The following VPS35L variants were observed in gnomAD, a reference collection of about 807,000 sequenced individuals.
VPS35L encodes VPS35 endosomal protein-sorting factor-like.
In VPS35L, 83 loss-of-function variants were observed where a neutral mutation model predicts 133.0. The observed-to-expected ratio is 0.62, with a 90% CI of 0.52 to 0.75. The LOEUF (loss-of-function observed/expected upper bound fraction) is 0.75, where lower values mean the gene tolerates loss of function less well. Ranked by LOEUF, VPS35L falls within the 30% of genes least tolerant of loss-of-function variation. The pLI is 0.00. For synonymous variants in VPS35L, 423 were observed against 449.9 expected (o/e 0.94, Z 0.76); for missense variants, 1,083 against 1,206.8 (o/e 0.90, Z 1.52).
chr16:19,651,516 T>G (rs1445006761), intron 25 of VPS35L, among the ~76,000 whole-genome samples: 1 of 152,118 alleles, frequency 6.6e-6, no homozygotes, highest in Non-Finnish European at 1.5e-5. Context: ...TGCTCAGAAT[T>G]TTAAGAAAGA....
chr16:19,618,084 C>CAAAAA (rs60900526), intron 14 of VPS35L: 2 of 56,564 alleles, frequency 3.5e-5, no homozygotes, highest in African/African-American at 6.0e-5. Context: ...CAGACTGTCT[C>CAAAAA]AAAAAAAAAA....
At chr16:19,655,708 C>G (rs1974276128) in intron 26 of VPS35L, among the ~76,000 whole-genome samples, 1 of 152,182 alleles carries the variant, frequency 6.6e-6, no homozygotes, top group South Asian at 2.1e-4. Context: ...GGCACGCATG[C>G]TTGTGCCCAC....
At chr16:19,662,002 A>G (rs1323051962) in intron 26 of VPS35L, among the ~76,000 whole-genome samples, 1 of 152,090 alleles carries the variant, frequency 6.6e-6, no homozygotes, top group Non-Finnish European at 1.5e-5. Flanking sequence ...AAGCCTGGGC[A>G]ACATAGTGAG....
intron 28 of VPS35L, among the ~76,000 whole-genome samples, chr16:19,687,118 G>A (rs1034816983): frequency 2.3e-4 from 35 of 152,236 alleles, no homozygotes; most frequent in African/African-American, 5.8e-4. Flanking sequence ...CTAGGTTCCC[G>A]CTCCTAGCCT....
At chr16:19,587,533 T>G (rs941491834) in intron 7 of VPS35L, 3 of 245,386 alleles carry the variant, frequency 1.2e-5, no homozygotes, top group Non-Finnish European at 2.5e-5. Flanking sequence ...ATACTCAAGG[T>G]TGAGGCAGGA....
chr16:19,603,810 C>A (rs1972461057), intron 9 of VPS35L, among the ~76,000 whole-genome samples: 1 of 152,238 alleles, frequency 6.6e-6, no homozygotes, highest in Non-Finnish European at 1.5e-5. Context: ...CAGCTCACTG[C>A]AACCTCCGCC....
chr16:19,635,728 C>T (rs2151573172), intron 19 of VPS35L, among the ~76,000 whole-genome samples: 1 of 152,270 alleles, frequency 6.6e-6, no homozygotes, highest in South Asian at 2.1e-4. Flanking sequence ...TTCATGCAAT[C>T]TACTCTCATA....
At chr16:19,599,067 G>A (rs539295625) in intron 8 of VPS35L, among the ~76,000 whole-genome samples, 9 of 152,288 alleles carry the variant, frequency 5.9e-5, no homozygotes, top group South Asian at 2.1e-4. Context: ...ACCCAGAGCC[G>A]CTGATAAGGA....
At chr16:19,616,282 C>A in intron 13 of VPS35L, 91 bp downstream of exon 13, 1 of 1,073,820 alleles carries the variant, frequency 9.3e-7, no homozygotes, top group Non-Finnish European at 1.4e-6. Flanking sequence ...GTGGAGAATG[C>A]CTTAAAGCTC....
intron 14 of VPS35L, among the ~76,000 whole-genome samples, chr16:19,623,576 G>C (rs1041379447): frequency 6.6e-6 from 1 of 151,908 alleles, no homozygotes; most frequent in Non-Finnish European, 1.5e-5. Context: ...ATAAAATCAG[G>C]GTTTTGGGGT....
At chr16:19,632,920 CG>C (rs1414694028) in intron 18 of VPS35L, among the ~76,000 whole-genome samples, 171 bp from the exon 19 acceptor site, 1 of 152,172 alleles carries the variant, frequency 6.6e-6, no homozygotes, top group Non-Finnish European at 1.5e-5. Flanking sequence ...GGTACTAGAC[CG>C]GGTGATATGA....
intron 24 of VPS35L, among the ~76,000 whole-genome samples, chr16:19,648,461 A>C (rs1341359666): frequency 1.3e-5 from 2 of 152,208 alleles, no homozygotes; most frequent in East Asian, 3.8e-4. Context: ...AACCAGAAGG[A>C]GCCCCTTCTT....
rs764633066 is a variant in VPS35L at position 19,555,734 on chromosome 16, C to T, written c.5C>T (p.Ala2Val). The change falls in exon 1 of 31, where the codon GCC becomes GTC. Residue 2 changes from alanine to valine, a missense_variant. By Grantham distance (64) the Ala-to-Val change is moderately conservative. Transcript: ENST00000417362. Reference sequence around the variant, plus strand: ...AGCGGTCATGTGACTGGGAAGATGGCCGTCTTTCCTTGGTAAGGAAGCAGC... The same window carrying T: ...AGCGGTCATGTGACTGGGAAGATGGTCGTCTTTCCTTGGTAAGGAAGCAGC... M[A>V]VFPWHSRNRN... 1.9e-6 allele frequency: 3 copies of T among 1,588,000 alleles called. No individual in the cohort carries two copies. The highest frequency in any genetic ancestry group is 1.1e-5 in the South Asian group (1 of 87,462).
intron 28 of VPS35L, among the ~76,000 whole-genome samples, chr16:19,687,475 C>T (rs1322501083): frequency 6.6e-6 from 1 of 152,196 alleles, no homozygotes; most frequent in Non-Finnish European, 1.5e-5. Context: ...GCAGCCAGAG[C>T]CGGCTTGGAA....
intron 29 of VPS35L, among the ~76,000 whole-genome samples, chr16:19,692,752 G>A (rs1975741505): frequency 6.6e-6 from 1 of 152,058 alleles, no homozygotes; most frequent in Admixed American, 6.6e-5. Context: ...TAGTAGAGAT[G>A]GGGTTTCACC....
chr16:19,700,579 T>G lies in VPS35L; in HGVS notation c.*103T>G. 1.0e-6 allele frequency: 1 copy of G among 1,000,858 alleles called. No individual in the cohort carries two copies. Among genetic ancestry groups the G allele is most frequent in the Non-Finnish European group, 1.5e-6 (1 of 658,934 alleles). 62.0% of individuals were successfully genotyped at this position (1,000,858 alleles called of 1,614,324 possible). On this transcript the variant is annotated 3_prime_UTR_variant, in exon 31 of 31. Transcript: ENST00000417362. ...GGCAATTTAGGTTTCTCATTTTTCT[T>G]TTCTTTTTACATATGTACAAATTGT...
chr16:19,697,087 G>A (rs556219507), intron 29 of VPS35L, among the ~76,000 whole-genome samples: 9 of 152,332 alleles, frequency 5.9e-5, no homozygotes, highest in African/African-American at 2.2e-4. Context: ...TTGCGAGTCC[G>A]TGCCCAGCAG....
At chr16:19,559,798 T>C (rs1970970203) in intron 1 of VPS35L, among the ~76,000 whole-genome samples, 1 of 152,192 alleles carries the variant, frequency 6.6e-6, no homozygotes, top group Non-Finnish European at 1.5e-5. Flanking sequence ...GCAATTCTCG[T>C]GCTTCAGCCT....
chr16:19,661,306 A>G (rs1974479823), intron 26 of VPS35L, among the ~76,000 whole-genome samples: 1 of 152,102 alleles, frequency 6.6e-6, no homozygotes, highest in Non-Finnish European at 1.5e-5. Context: ...TGAAAAATAT[A>G]TGAACTCTTT....
Sources: gnomAD v4.1 joint callset for allele counts (sites outside exome capture counted in the v4.1 genomes callset) on GRCh38, gnomAD v4.1.1 for gene constraint, MANE v1.5 for transcripts, NCBI Gene and HGNC (gene_info 2026-07-23, HGNC 2026-07-21) for gene names.